FBXL7: variants seen among roughly 807,000 people sequenced by gnomAD.
FBXL7 encodes the protein F-box/LRR-repeat protein 7.
Under a neutral mutation model 38.3 loss-of-function variants are expected in FBXL7, and 12 were observed. That is an observed-to-expected ratio of 0.31 (90% CI 0.20 to 0.51). FBXL7 has a LOEUF of 0.51. Among genes scored for constraint, FBXL7 ranks in the 20% least tolerant of loss-of-function variants. The probability of loss-of-function intolerance (pLI) is 0.98; values close to 1 mark genes in which losing one functional copy is unlikely to be tolerated. For missense variants in FBXL7, 567 were observed against 676.4 expected (o/e 0.84, Z 1.79); for synonymous variants, 297 against 300.9 (o/e 0.99, Z 0.13).
At chr5:15,569,844 T>C (rs917230870) in intron 1 of FBXL7, among the ~76,000 whole-genome samples, 3 of 152,256 alleles carry the variant, frequency 2.0e-5, no homozygotes, top group Non-Finnish European at 4.4e-5. Context: ...TCTATTGAGA[T>C]AATCGTATGG....
intron 1 of FBXL7, among the ~76,000 whole-genome samples, chr5:15,571,265 C>G (rs1278270890): frequency 6.6e-6 from 1 of 152,098 alleles, no homozygotes; most frequent in Non-Finnish European, 1.5e-5. Context: ...TGCCGCCTCA[C>G]TAGCAGTATA....
intron 2 of FBXL7, among the ~76,000 whole-genome samples, chr5:15,801,246 G>A (rs1737556239): frequency 6.6e-6 from 1 of 152,160 alleles, no homozygotes; most frequent in Admixed American, 6.5e-5. Flanking sequence ...GGCTGGCCAA[G>A]CTGACACATA....
intron 2 of FBXL7, among the ~76,000 whole-genome samples, chr5:15,832,129 C>G (rs1239113191): frequency 6.6e-6 from 1 of 152,118 alleles, no homozygotes; most frequent in Non-Finnish European, 1.5e-5. Context: ...TTAGATTATT[C>G]TGGCTTTAAA....
intron 2 of FBXL7, among the ~76,000 whole-genome samples, chr5:15,710,329 C>T (rs146759666): frequency 6.6e-6 from 1 of 152,298 alleles, no homozygotes; most frequent in African/African-American, 2.4e-5. Flanking sequence ...CCTTGCTCTT[C>T]CTGGAGTACA....
At chr5:15,844,029 A>G (rs1307775694) in intron 2 of FBXL7, among the ~76,000 whole-genome samples, 1 of 152,126 alleles carries the variant, frequency 6.6e-6, no homozygotes, top group African/African-American at 2.4e-5. Flanking sequence ...AAAAACAAAA[A>G]TCTTCATTCC....
chr5:15,597,413 T>C (rs908214944), intron 1 of FBXL7, among the ~76,000 whole-genome samples: 1 of 148,464 alleles, frequency 6.7e-6, no homozygotes, highest in Non-Finnish European at 1.5e-5. Context: ...ATAAAAGATA[T>C]ATAAATCTTG....
In FBXL7 at chr5:15,937,061, G is replaced by A. The variant is rs747168164; in HGVS notation, c.1351G>A (p.Ala451Thr). The change falls in exon 4 of 4, where the codon GCC becomes ACC. Residue 451 changes from alanine (A) to threonine (T), a missense_variant. By Grantham distance (58) the Ala-to-Thr change is moderately conservative. Transcript: ENST00000504595. Reference protein sequence around the residue: ...ITGQGLQIVAANCFDLQTLNV... With the variant: ...ITGQGLQIVATNCFDLQTLNV... ...CGGCCAGGGCTTGCAGATCGTGGCC[G>A]CCAACTGCTTTGACCTCCAGACGCT... 1.2e-5 allele frequency: 20 copies of A among 1,613,838 alleles called. No homozygotes were observed. Among genetic ancestry groups the A allele is most frequent in the South Asian group, 9.9e-5 (9 of 91,078 alleles).
At chr5:15,697,818 A>G (rs985639306) in intron 2 of FBXL7, among the ~76,000 whole-genome samples, 1 of 152,338 alleles carries the variant, frequency 6.6e-6, no homozygotes, top group African/African-American at 2.4e-5. Flanking sequence ...CTGACTTTCA[A>G]CTTTAATGCC....
At chr5:15,643,558 T>G (rs999959965) in intron 2 of FBXL7, among the ~76,000 whole-genome samples, 1 of 152,142 alleles carries the variant, frequency 6.6e-6, no homozygotes, top group Non-Finnish European at 1.5e-5. Flanking sequence ...GTTGGAAATG[T>G]GGGTGGATGA....
At chr5:15,551,038 C>T (rs565366874) in intron 1 of FBXL7, among the ~76,000 whole-genome samples, 1 of 152,300 alleles carries the variant, frequency 6.6e-6, no homozygotes, top group African/African-American at 2.4e-5. Context: ...TGAAAATCCA[C>T]TTTTTTTGGA....
At chr5:15,888,047 A>G (rs1740749195) in intron 2 of FBXL7, among the ~76,000 whole-genome samples, 1 of 152,110 alleles carries the variant, frequency 6.6e-6, no homozygotes, top group Non-Finnish European at 1.5e-5. Context: ...CTGATGGACA[A>G]TCTGAGACAG....
Position 15,810,615 on chromosome 5 carries a change from A to G in FBXL7, c.128-117275A>G, listed in dbSNP as rs146435273. 2.9e-3 allele frequency among the ~76,000 whole-genome samples: 434 copies of G among 151,962 alleles called. 2 individuals carry two copies. The highest frequency in any genetic ancestry group is 0.01 in the African/African-American group (417 of 41,524). ...ATACAGATTTGAACCTATTAATATGAATGCCACAATTGCAAATTTTTTATT... is the reference window on the plus strand; with the variant it reads ...ATACAGATTTGAACCTATTAATATGGATGCCACAATTGCAAATTTTTTATT... On this transcript the variant is annotated intron_variant, in intron 2 of 3. Coordinates refer to ENST00000504595, the MANE Select transcript of FBXL7 (RefSeq NM_012304.5).
At chr5:15,677,044 C>T (rs1457332454) in intron 2 of FBXL7, among the ~76,000 whole-genome samples, 2 of 152,190 alleles carry the variant, frequency 1.3e-5, no homozygotes, top group African/African-American at 2.4e-5. Context: ...ACAAACAAAC[C>T]TCTTTCATGT....
intron 2 of FBXL7, among the ~76,000 whole-genome samples, chr5:15,646,856 A>G (rs970572829): frequency 3.9e-5 from 6 of 152,158 alleles, no homozygotes; most frequent in African/African-American, 1.4e-4. Flanking sequence ...AGAAACAGAA[A>G]CCTGGAGTGG....
chr5:15,600,014 G>A (rs1739744411), intron 1 of FBXL7, among the ~76,000 whole-genome samples: 1 of 152,186 alleles, frequency 6.6e-6, no homozygotes, highest in Non-Finnish European at 1.5e-5. Flanking sequence ...GAAGCTATAG[G>A]AGCAGTCATG....
chr5:15,661,645 A>G (rs1245221996), intron 2 of FBXL7, among the ~76,000 whole-genome samples: 1 of 152,154 alleles, frequency 6.6e-6, no homozygotes, highest in Non-Finnish European at 1.5e-5. Flanking sequence ...TTTATCACAC[A>G]TGTGTGAAAC....
At chr5:15,611,434 A>G (rs998106124) in intron 1 of FBXL7, among the ~76,000 whole-genome samples, 8 of 151,990 alleles carry the variant, frequency 5.3e-5, no homozygotes, top group South Asian at 2.1e-4. Flanking sequence ...TGTCGCCAAT[A>G]TGTGTCAGAT....
At chr5:15,538,720 A>G (rs560614659) in intron 1 of FBXL7, among the ~76,000 whole-genome samples, 2 of 152,218 alleles carry the variant, frequency 1.3e-5, no homozygotes, top group East Asian at 3.9e-4. Flanking sequence ...ATCTGTTCTG[A>G]TTTTGAAAGG....
At chr5:15,758,320 T>C (rs1415479420) in intron 2 of FBXL7, among the ~76,000 whole-genome samples, 1 of 152,056 alleles carries the variant, frequency 6.6e-6, no homozygotes, top group Admixed American at 6.6e-5. Context: ...GCATTTTTTT[T>C]TTTTTAATTT....
Sources: allele counts gnomAD v4.1 joint callset (sites outside exome capture counted in the v4.1 genomes callset), GRCh38; gene constraint gnomAD v4.1.1; transcripts MANE v1.5; gene names NCBI Gene and HGNC (gene_info 2026-07-23, HGNC 2026-07-21).